PDZD2: variants seen among roughly 807,000 people sequenced by gnomAD.
The protein encoded by PDZD2 is PDZ domain containing 2, also known as PDZ domain-containing protein 2.
PDZD2 carries 90 observed loss-of-function variants against 220.7 expected under a neutral mutation model. The observed-to-expected ratio is 0.41, with a 90% CI of 0.34 to 0.49. The LOEUF is 0.49. PDZD2 is among the 20% of genes least tolerant of loss of function. The pLI, the probability that PDZD2 is intolerant of heterozygous loss-of-function variation, is 0.28. For synonymous variants in PDZD2, 1,375 were observed against 1,450.5 expected, an observed-to-expected ratio of 0.95 and a Z score of 1.18; for missense variants, 3,174 against 3,608.5, an observed-to-expected ratio of 0.88 and a Z score of 3.08.
Position 31,795,929 on chromosome 5 carries a change from G to T in PDZD2, c.-360-2960G>T, listed in dbSNP as rs1259669232. On this transcript the variant is annotated intron_variant, in intron 1 of 24. Transcript: ENST00000438447. ...CCTAAGAATAAGACTAAGTGTCTTT[G>T]AGGGTGTCCGTGTATTTCCAACAAT... Among the ~76,000 whole-genome samples the T allele has an allele frequency of 3.3e-5, 5 of 152,294 alleles. No individual in the cohort carries two copies. The East Asian group carries it at 9.7e-4, about 29-fold the overall frequency.
chr5:32,026,426 C>A (rs1413276742), intron 6 of PDZD2, among the ~76,000 whole-genome samples: 1 of 152,232 alleles, frequency 6.6e-6, no homozygotes, highest in African/African-American at 2.4e-5. Flanking sequence ...GCGTGAGCAA[C>A]TGCGCCCAGC....
intron 24 of PDZD2, 124 bp downstream of exon 24, chr5:32,101,363 A>G (rs748216210): frequency 1.1e-6 from 1 of 903,238 alleles, no homozygotes; most frequent in Non-Finnish European, 1.7e-6. Flanking sequence ...GCTTTGTGAC[A>G]TACAAGGTTT....
chr5:31,749,831 C>G (rs951469316), intron 1 of PDZD2, among the ~76,000 whole-genome samples: 6 of 152,176 alleles, frequency 3.9e-5, no homozygotes, highest in African/African-American at 1.4e-4. Flanking sequence ...TCCCACAGGA[C>G]CACTCCTTCC....
intron 2 of PDZD2, among the ~76,000 whole-genome samples, chr5:31,946,123 CTCTTGAGT>C (rs1286036113): frequency 6.6e-6 from 1 of 152,250 alleles, no homozygotes; most frequent in Admixed American, 6.5e-5. Context: ...CTGCCTCAAC[CTCTTGAGT>C]AGCTAGGACT....
intron 1 of PDZD2, among the ~76,000 whole-genome samples, chr5:31,771,807 G>A (rs1752353386): frequency 6.6e-6 from 1 of 152,152 alleles, no homozygotes; most frequent in African/African-American, 2.4e-5. Context: ...GTAGTTAGTG[G>A]GCAGGCCTGG....
At chr5:31,803,179 C>T (rs1754505207) in intron 2 of PDZD2, among the ~76,000 whole-genome samples, 1 of 127,452 alleles carries the variant, frequency 7.8e-6, no homozygotes. Flanking sequence ...CTCACTGCAG[C>T]CTTGAACTCC....
At chr5:31,869,355 C>T (rs1738532409) in intron 2 of PDZD2, among the ~76,000 whole-genome samples, 1 of 152,114 alleles carries the variant, frequency 6.6e-6, no homozygotes, top group African/African-American at 2.4e-5. Context: ...CACAGTCCAT[C>T]TCTTTTTTTC....
intron 14 of PDZD2, among the ~76,000 whole-genome samples, chr5:32,064,384 G>A (rs1036795480): frequency 1.3e-5 from 2 of 151,844 alleles, no homozygotes; most frequent in Admixed American, 6.6e-5. Flanking sequence ...TGGGATTATA[G>A]GCGGGCGCTG....
At chr5:32,068,840 CGTGT>C (rs112138758) in intron 14 of PDZD2, among the ~76,000 whole-genome samples, 1 of 151,660 alleles carries the variant, frequency 6.6e-6, no homozygotes, top group African/African-American at 2.4e-5. Flanking sequence ...ATTCTGTGTG[CGTGT>C]GTGTGTATGT....
At chr5:32,013,563 G>A (rs998041907) in intron 6 of PDZD2, among the ~76,000 whole-genome samples, 1 of 151,974 alleles carries the variant, frequency 6.6e-6, no homozygotes, top group Non-Finnish European at 1.5e-5. Context: ...CTAGATTTGG[G>A]AAGCTTTGTG....
intron 10 of PDZD2, 47 bp downstream of exon 10, chr5:32,053,930 A>G (rs768317367): frequency 2.5e-5 from 27 of 1,072,510 alleles, no homozygotes; most frequent in Non-Finnish European, 3.5e-5. Context: ...CTTTGATCCC[A>G]TGAGAATCTG....
intron 19 of PDZD2, among the ~76,000 whole-genome samples, chr5:32,078,501 G>A (rs539854779): frequency 6.6e-6 from 1 of 152,116 alleles, no homozygotes; most frequent in South Asian, 2.1e-4. Context: ...GCATGGTGGA[G>A]CACGCTTATA....
chr5:31,658,995 A>T (rs892374776), intron 1 of PDZD2, among the ~76,000 whole-genome samples: 15 of 152,002 alleles, frequency 9.9e-5, no homozygotes, highest in African/African-American at 3.6e-4. Context: ...TCTTCCTTGA[A>T]ATGCCCTCGC....
intron 2 of PDZD2, among the ~76,000 whole-genome samples, chr5:31,826,977 C>T (rs1222234912): frequency 6.6e-6 from 1 of 152,148 alleles, no homozygotes; most frequent in Non-Finnish European, 1.5e-5. Flanking sequence ...AATTGCTACC[C>T]ATATGCCAAA....
chr5:31,735,662 T>C (rs540027988), intron 1 of PDZD2, among the ~76,000 whole-genome samples: 1 of 151,938 alleles, frequency 6.6e-6, no homozygotes, highest in East Asian at 1.9e-4. Context: ...TAGCCTGATA[T>C]GCACCCGGGC....
chr5:31,744,953 A>G (rs1023303118), intron 1 of PDZD2, among the ~76,000 whole-genome samples: 5 of 152,054 alleles, frequency 3.3e-5, no homozygotes, highest in African/African-American at 4.8e-5. Flanking sequence ...GGCACCTGTA[A>G]TCCCAGCTAC....
intron 2 of PDZD2, among the ~76,000 whole-genome samples, chr5:31,955,323 C>T (rs968304111): frequency 1.3e-5 from 2 of 151,346 alleles, no homozygotes; most frequent in African/African-American, 2.4e-5. Context: ...TTTTTCGAGA[C>T]GAAGTCTTGC....
chr5:31,847,922 C>T, intron 2 of PDZD2: 1 of 463,640 alleles, frequency 2.2e-6, no homozygotes, highest in Non-Finnish European at 4.2e-6. Flanking sequence ...AGATGCTTAC[C>T]AGAAACCATT....
chr5:31,644,416 G>T (rs1408361713), intron 1 of PDZD2, among the ~76,000 whole-genome samples: 1 of 152,204 alleles, frequency 6.6e-6, no homozygotes, highest in Non-Finnish European at 1.5e-5. Flanking sequence ...GAGCTAAAGA[G>T]TTCTGCCTTC....
Sources: allele counts gnomAD v4.1 joint callset (sites outside exome capture counted in the v4.1 genomes callset), GRCh38; gene constraint gnomAD v4.1.1; transcripts MANE v1.5; gene names NCBI Gene and HGNC (gene_info 2026-07-23, HGNC 2026-07-21).